BMP3: variants seen among roughly 807,000 people sequenced by gnomAD.
The protein encoded by BMP3 is bone morphogenetic protein 3 (osteogenic).
Under a neutral mutation model 38.1 loss-of-function variants are expected in BMP3, and 23 were observed. That is an observed-to-expected ratio of 0.60 (90% CI 0.43 to 0.86). The LOEUF is 0.86. BMP3 is among the 40% of genes least tolerant of loss of function. BMP3 has a pLI of 0.00. For missense variants in BMP3, 628 were observed against 579.6 expected, an observed-to-expected ratio of 1.08 and a Z score of -0.86; for synonymous variants, 258 against 225.7, an observed-to-expected ratio of 1.14 and a Z score of -1.28.
At chr4:81,047,689 G>A (rs1489778972) in intron 2 of BMP3, among the ~76,000 whole-genome samples, 1 of 152,094 alleles carries the variant, frequency 6.6e-6, no homozygotes, top group Non-Finnish European at 1.5e-5. Context: ...ACCAACTTCT[G>A]CTTATGCATC....
At position 81,045,952 on chromosome 4, in the gene BMP3, T is replaced by C. The variant is rs1430366926; in HGVS notation, c.531T>C (p.Ser177=). ...AWTLKFSRNQ[S]QLLGHLSVDM... is the part of the protein sequence containing the mutation. ...CCCTCAAATTCAGCAGAAACCAAAG[T>C]CAACTCCTTGGCCATCTGTCAGTGG... The change falls in exon 2 of 3, where the codon AGT becomes AGC. Residue 177 remains serine, a synonymous_variant. Transcript: ENST00000282701. 1 of 1,613,920 alleles carries C rather than the reference T, an allele frequency of 6.2e-7. No homozygotes were observed. The highest frequency in any genetic ancestry group is 2.2e-5 in the East Asian group (1 of 44,888).
Position 81,056,586 on chromosome 4 carries a change from A to C in BMP3, c.*3050A>C, listed in dbSNP as rs1360742748. 1 of 152,602 alleles carries C rather than the reference A, an allele frequency of 6.6e-6. No individual in the cohort carries two copies. The highest frequency in any genetic ancestry group is 2.4e-5 in the African/African-American group (1 of 41,454). The allele number at this position is 152,602 out of a possible 1,614,324, so 9.5% of individuals were successfully genotyped here. On this transcript the variant is annotated 3_prime_UTR_variant, in exon 3 of 3. Transcript: ENST00000282701. ...TTAAGGGACTGCCAAAGTCAATTAG[A>C]ATATTTTAAAAATACTTTGTTGTAA...
chr4:81,041,096 A>ATAAG (rs1353875344), intron 1 of BMP3, among the ~76,000 whole-genome samples: 6 of 152,216 alleles, frequency 3.9e-5, no homozygotes, highest in African/African-American at 1.4e-4. Context: ...TCTTCTGTTC[A>ATAAG]TAAGTATGGA....
At chr4:81,052,034 T>C (rs1188253990) in intron 2 of BMP3, among the ~76,000 whole-genome samples, 1 of 151,952 alleles carries the variant, frequency 6.6e-6, no homozygotes, top group Non-Finnish European at 1.5e-5. Context: ...CTGCTTTCTA[T>C]ATTATTGTCT....
Position 81,053,493 on chromosome 4 carries a change from A to ATGT in BMP3, c.1376_1377insTGT (p.Lys459delinsAsnVal). The ATGT allele has an allele frequency of 6.2e-7, 1 of 1,604,170 alleles. No individual in the cohort carries two copies. The highest frequency in any genetic ancestry group is 8.5e-7 in the Non-Finnish European group (1 of 1,175,704). On this transcript the variant is annotated protein_altering_variant, in exon 3 of 3. Transcript: ENST00000282701. The stretch of plus-strand genomic sequence containing the variant: ...GATGAAAATAAGAATGTAGTGCTTA[A>ATGT]AGTATACCCTAACATGACAGTAGAG...
Position 81,045,914 on chromosome 4 carries a change from C to G in BMP3, c.493C>G (p.Leu165Val). Residue 165 changes from leucine (L) to valine (V), a missense_variant, in exon 2 of 3, where the codon CTT becomes GTT. Coordinates refer to ENST00000282701, the MANE Select transcript of BMP3 (RefSeq NM_001201.5). ...TCAGAGGAAACACATTCAGATTGAT[C>G]TTTCTGCATGGACCCTCAAATTCAG... ...HAQRKHIQID[L>V]SAWTLKFSRN... The G allele has an allele frequency of 6.2e-7, 1 of 1,614,066 alleles. No individual in the cohort carries two copies. Among genetic ancestry groups the G allele is most frequent in the Non-Finnish European group, 8.5e-7 (1 of 1,180,000 alleles).
At chr4:81,035,135 A>T (rs556405091) in intron 1 of BMP3, among the ~76,000 whole-genome samples, 2 of 150,964 alleles carry the variant, frequency 1.3e-5, no homozygotes, top group African/African-American at 5.0e-5. Context: ...TGAATACATG[A>T]TAGCCTTTAA....
chr4:81,046,775 G>A, intron 2 of BMP3, 127 bp downstream of exon 2: 1 of 1,058,734 alleles, frequency 9.4e-7, no homozygotes, highest in Non-Finnish European at 1.4e-6. Flanking sequence ...AATCCATTGG[G>A]ACCCTTATTT....
At chr4:81,044,931 A>C (rs899075665) in intron 1 of BMP3, among the ~76,000 whole-genome samples, 1 of 152,192 alleles carries the variant, frequency 6.6e-6, no homozygotes, top group Admixed American at 6.5e-5. Flanking sequence ...TGCTATAACC[A>C]TGTAATTATT....
At position 81,039,268 on chromosome 4, in the gene BMP3, G is replaced by A. The variant is rs576290646; in HGVS notation, c.317-6470G>A. Among the ~76,000 whole-genome samples, 454 of 152,308 alleles carry A rather than the reference G, an allele frequency of 3.0e-3. 3 individuals are homozygous for A. Among genetic ancestry groups the A allele is most frequent in the Middle Eastern group, 3.4e-3 (1 of 294 alleles). On this transcript the variant is annotated intron_variant, in intron 1 of 2. Coordinates refer to ENST00000282701, the MANE Select transcript of BMP3 (RefSeq NM_001201.5). ...AAAGAAGTTGGGGCAGCGGGAGGTG[G>A]TTGTTCTTTGTCACATATTTTCTGT...
intron 1 of BMP3, among the ~76,000 whole-genome samples, chr4:81,045,502 G>C (rs1269310484): frequency 6.6e-6 from 1 of 152,046 alleles, no homozygotes; most frequent in East Asian, 1.9e-4. Context: ...TTTTATTGAT[G>C]TATCTACTTT....
In BMP3 at chr4:81,031,294, G is replaced by C. The variant is rs1739752302; in HGVS notation, c.10G>C (p.Ala4Pro). MAG[A>P]SRLLFLWLGC... ...GCGCGGGTACCTAGCCATGGCTGGG[G>C]CGAGCAGGCTGCTCTTTCTGTGGCT... is the stretch of plus-strand genomic sequence containing the variant. Residue 4 changes from alanine (A) to proline (P), a missense_variant, in exon 1 of 3, where the codon GCG (alanine) becomes CCG (proline). Coordinates refer to ENST00000282701, the MANE Select transcript of BMP3 (RefSeq NM_001201.5). 1 of 1,603,380 alleles carries C rather than the reference G, an allele frequency of 6.2e-7. No individual in the cohort carries two copies. Among genetic ancestry groups the C allele is most frequent in the Non-Finnish European group, 8.5e-7 (1 of 1,174,786 alleles).
At chr4:81,035,249 G>T (rs998077122) in intron 1 of BMP3, among the ~76,000 whole-genome samples, 1 of 151,952 alleles carries the variant, frequency 6.6e-6, no homozygotes, top group East Asian at 1.9e-4. Flanking sequence ...AAAGGAGAAA[G>T]GGAATGAATT....
chr4:81,049,681 T>C (rs1288531542), intron 2 of BMP3, among the ~76,000 whole-genome samples: 12 of 152,150 alleles, frequency 7.9e-5, no homozygotes, highest in African/African-American at 2.4e-4. Context: ...ACCAAAAAGA[T>C]GGGAAACATG....
At chr4:81,043,657 G>C (rs560579714) in intron 1 of BMP3, among the ~76,000 whole-genome samples, 1 of 139,474 alleles carries the variant, frequency 7.2e-6, no homozygotes, top group Non-Finnish European at 1.5e-5. Flanking sequence ...GTGTCATCTC[G>C]GCTCACTGCA....
rs1739717415 is a variant in BMP3, at chr4:81,030,729, ACACACGCACACACGCGCGCGCGCGCGCG to A, written c.-550_-523del. 6.6e-6 allele frequency among the ~76,000 whole-genome samples: 1 copy of A among 151,744 alleles called. No homozygotes were observed. The highest frequency in any genetic ancestry group is 6.5e-5 in the Admixed American group (1 of 15,270). On this transcript the variant is annotated 5_prime_UTR_variant, in exon 1 of 3. Coordinates refer to ENST00000282701, the MANE Select transcript of BMP3 (RefSeq NM_001201.5). ...AAGTCTCTCTCTCTCATACACACAC[ACACACGCACACACGCGCGCGCGCGCGCG>A]CACACACACACACACGTACACTAAA...
At position 81,030,740 on chromosome 4, in the gene BMP3, C is replaced by T. The variant is rs1282128171; in HGVS notation, c.-545C>T. On this transcript the variant is annotated 5_prime_UTR_variant, in exon 1 of 3. Transcript: ENST00000282701. ...TCTCATACACACACACACACGCACA[C>T]ACGCGCGCGCGCGCGCGCACACACA... Among the ~76,000 whole-genome samples, 1 of 151,810 alleles carries T rather than the reference C, an allele frequency of 6.6e-6. No individual in the cohort carries two copies. Among genetic ancestry groups the T allele is most frequent in the Non-Finnish European group, 1.5e-5 (1 of 67,960 alleles).
At position 81,031,359 on chromosome 4, in the gene BMP3, G is replaced by A. The variant is rs150246562; in HGVS notation, c.75G>A (p.Pro25=). The change falls in exon 1 of 3, where the codon CCG becomes CCA. Residue 25 remains proline, a synonymous_variant. Transcript: ENST00000282701. ...FCVSLAQGER[P]KPPFPELRKA... ...TGAGCCTGGCGCAGGGAGAGAGACC[G>A]AAGCCACCTTTCCCGGAGCTCCGCA... 1.8e-4 allele frequency: 295 copies of A among 1,612,958 alleles called. No homozygotes were observed. The African/African-American group carries it at 3.5e-3, about 19-fold the overall frequency.
chr4:81,035,349 A>C (rs1739895627), intron 1 of BMP3, among the ~76,000 whole-genome samples: 1 of 152,082 alleles, frequency 6.6e-6, no homozygotes, highest in Non-Finnish European at 1.5e-5. Context: ...GGTCAATGAA[A>C]AAAAAATCTC....
Sources: allele counts gnomAD v4.1 joint callset (sites outside exome capture counted in the v4.1 genomes callset), GRCh38; gene constraint gnomAD v4.1.1; transcripts MANE v1.5; gene names NCBI Gene and HGNC (gene_info 2026-07-23, HGNC 2026-07-21).